The following ST18 variants were observed in gnomAD, a reference collection of about 807,000 sequenced individuals.
ST18 encodes suppression of tumorigenicity 18 protein.
A neutral mutation model predicts 110.0 loss-of-function variants in ST18; 50 were observed. That is an observed-to-expected ratio of 0.45 (90% CI 0.36 to 0.58). The LOEUF is 0.58. ST18 is among the 20% of genes least tolerant of loss of function. The probability of loss-of-function intolerance (pLI) is 0.00; values close to 1 mark genes in which losing one functional copy is unlikely to be tolerated. For missense variants in ST18, 1,306 were observed against 1,280.1 expected (o/e 1.02, Z -0.31); for synonymous variants, 461 against 452.4 (o/e 1.02, Z -0.24).
At chr8:52,279,517 A>T (rs1422045920) in intron 2 of ST18, among the ~76,000 whole-genome samples, 1 of 152,180 alleles carries the variant, frequency 6.6e-6, no homozygotes, top group African/African-American at 2.4e-5. Context: ...GTTGGGTGGA[A>T]ATTTTCTCAG....
chr8:52,168,015 A>T (rs2063576105), intron 10 of ST18, among the ~76,000 whole-genome samples: 1 of 152,000 alleles, frequency 6.6e-6, no homozygotes, highest in Non-Finnish European at 1.5e-5. Flanking sequence ...AGAAATGTTC[A>T]CATTCATGAC....
intron 2 of ST18, among the ~76,000 whole-genome samples, chr8:52,357,714 T>A (rs1590211491): frequency 1.4e-5 from 1 of 69,334 alleles, no homozygotes; most frequent in Non-Finnish European, 2.6e-5. Flanking sequence ...TATATATATA[T>A]ATATATATAT....
chr8:52,368,048 T>C (rs939537705), intron 2 of ST18, among the ~76,000 whole-genome samples: 9 of 152,204 alleles, frequency 5.9e-5, no homozygotes, highest in South Asian at 2.1e-4. Context: ...TCTAGCTTAA[T>C]AGGCTTCGGA....
chr8:52,237,981 A>G (rs1164607185), intron 2 of ST18, among the ~76,000 whole-genome samples: 1 of 152,256 alleles, frequency 6.6e-6, no homozygotes, highest in Non-Finnish European at 1.5e-5. Flanking sequence ...ATCATTAGTC[A>G]TTAGGGAAAT....
chr8:52,274,790 A>T (rs2095185103), intron 2 of ST18, among the ~76,000 whole-genome samples: 1 of 152,186 alleles, frequency 6.6e-6, no homozygotes, highest in Non-Finnish European at 1.5e-5. Context: ...CATGTTTTGG[A>T]GTCTATAAAA....
chr8:52,203,055 C>A (rs1233737785), intron 8 of ST18, among the ~76,000 whole-genome samples: 1 of 151,596 alleles, frequency 6.6e-6, no homozygotes, highest in Non-Finnish European at 1.5e-5. Context: ...ATTTCTCAAG[C>A]AACATCATGT....
At position 52,126,122 on chromosome 8, in the gene ST18, G is replaced by C; in HGVS notation, c.2685C>G (p.Leu895=). Residue 895 remains leucine, a synonymous_variant, in exon 23 of 26, where the codon CTC becomes CTG. Coordinates refer to ENST00000689386, the MANE Select transcript of ST18 (RefSeq NM_001352837.2). ...TGCCCTTTTTGATAACTTGTGCATT[G>C]AGAGGACATCCAGATAAGCTGTGAA... ...VTHRSLSGCP[L]NAQVIKKGKV... is the part of the protein sequence containing the mutation. 6.2e-7 allele frequency: 1 copy of C among 1,613,914 alleles called. No homozygotes were observed. The highest frequency in any genetic ancestry group is 1.3e-5 in the African/African-American group (1 of 74,922).
chr8:52,359,358 C>T (rs560417034), intron 2 of ST18, among the ~76,000 whole-genome samples: 9 of 152,126 alleles, frequency 5.9e-5, no homozygotes, highest in African/African-American at 2.2e-4. Flanking sequence ...GTGAACTTTA[C>T]TTCAATTAAA....
At chr8:52,340,519 T>C (rs1814442420) in intron 2 of ST18, among the ~76,000 whole-genome samples, 1 of 152,198 alleles carries the variant, frequency 6.6e-6, no homozygotes, top group African/African-American at 2.4e-5. Context: ...TTTCAAAAAG[T>C]CTATCACGGG....
chr8:52,252,376 G>T (rs1270004810), intron 2 of ST18, among the ~76,000 whole-genome samples: 2 of 151,900 alleles, frequency 1.3e-5, no homozygotes, highest in African/African-American at 4.8e-5. Flanking sequence ...TTTTAAGGAG[G>T]CAGCTACCAT....
intron 17 of ST18, among the ~76,000 whole-genome samples, chr8:52,139,640 G>A (rs2054094873): frequency 6.6e-6 from 1 of 152,186 alleles, no homozygotes; most frequent in African/African-American, 2.4e-5. Context: ...ACAGGCATGA[G>A]CCACCGCGCC....
At chr8:52,233,877 C>A (rs1280976165) in intron 2 of ST18, among the ~76,000 whole-genome samples, 1 of 152,082 alleles carries the variant, frequency 6.6e-6, no homozygotes, top group Non-Finnish European at 1.5e-5. Context: ...TTATGGAATA[C>A]AAAGTGATGT....
chr8:52,322,847 T>G (rs1804599616), intron 2 of ST18, among the ~76,000 whole-genome samples: 1 of 152,262 alleles, frequency 6.6e-6, no homozygotes, highest in Non-Finnish European at 1.5e-5. Context: ...GAGTTCACTT[T>G]AAAAGAATCT....
intron 5 of ST18, among the ~76,000 whole-genome samples, chr8:52,219,144 A>T (rs192435772): frequency 2.0e-5 from 3 of 152,270 alleles, no homozygotes; most frequent in Admixed American, 2.0e-4. Context: ...TTTTGTTTTA[A>T]ACATAGCTTT....
intron 10 of ST18, among the ~76,000 whole-genome samples, chr8:52,170,893 C>G (rs1327549686): frequency 5.3e-5 from 8 of 152,200 alleles, no homozygotes; most frequent in Non-Finnish European, 1.2e-4. Context: ...TCTCAGCAAT[C>G]AGAACTTCTC....
chr8:52,125,167 A>G (rs375436953), intron 23 of ST18, among the ~76,000 whole-genome samples: 48 of 152,324 alleles, frequency 3.2e-4, no homozygotes, highest in African/African-American at 1.1e-3. Context: ...CAGAGAACTC[A>G]GAAACTGTGT....
intron 2 of ST18, among the ~76,000 whole-genome samples, chr8:52,310,594 G>C (rs553089512): frequency 3.3e-5 from 5 of 150,832 alleles, no homozygotes; most frequent in African/African-American, 1.2e-4. Context: ...GAAAAATAGA[G>C]GGAATTTTTA....
At chr8:52,164,911 A>G (rs911879450) in intron 12 of ST18, among the ~76,000 whole-genome samples, 3 of 152,238 alleles carry the variant, frequency 2.0e-5, no homozygotes, top group African/African-American at 7.2e-5. Context: ...TTTTTTCATT[A>G]TCATAACTGG....
chr8:52,184,600 A>C (rs2071242624), intron 8 of ST18, among the ~76,000 whole-genome samples: 1 of 152,178 alleles, frequency 6.6e-6, no homozygotes, highest in African/African-American at 2.4e-5. Flanking sequence ...TAGAAGTCAA[A>C]TGTGTTGACC....
Sources: gnomAD v4.1 joint callset for allele counts (sites outside exome capture counted in the v4.1 genomes callset) on GRCh38, gnomAD v4.1.1 for gene constraint, MANE v1.5 for transcripts, NCBI Gene and HGNC (gene_info 2026-07-23, HGNC 2026-07-21) for gene names.